The following TANC2 variants were observed in gnomAD, a reference collection of about 807,000 sequenced individuals.
The protein encoded by TANC2 is tetratricopeptide repeat, ankyrin repeat and coiled-coil containing 2.
Under a neutral mutation model 210.5 loss-of-function variants are expected in TANC2, and 26 were observed. The ratio of observed to expected loss-of-function variants is 0.12; its 90% CI spans 0.09 to 0.17. TANC2 has a LOEUF of 0.17. Ranked by LOEUF, TANC2 falls within the 10% of genes least tolerant of loss-of-function variation. TANC2 has a pLI of 1.00. For missense variants in TANC2, 2,129 were observed against 2,608.9 expected (o/e 0.82, Z 4.01); for synonymous variants, 931 against 967.1 (o/e 0.96, Z 0.69).
intron 8 of TANC2, among the ~76,000 whole-genome samples, chr17:63,243,254 TTAA>T (rs1186789535): frequency 6.6e-6 from 1 of 152,176 alleles, no homozygotes. Flanking sequence ...TGGGAGTATG[TTAA>T]TAAGTTGGTA....
At chr17:63,008,566 A>G (rs1166713748) in intron 1 of TANC2, among the ~76,000 whole-genome samples, 2 of 152,160 alleles carry the variant, frequency 1.3e-5, no homozygotes, top group Non-Finnish European at 2.9e-5. Flanking sequence ...CTTTTTGAAC[A>G]AGATAGACTA....
intron 2 of TANC2, among the ~76,000 whole-genome samples, chr17:63,058,744 T>C (rs184708695): frequency 2.0e-5 from 3 of 152,226 alleles, no homozygotes; most frequent in Non-Finnish European, 4.4e-5. Flanking sequence ...ATGTGTGGCC[T>C]TATTTCTGGG....
At chr17:63,355,239 G>A (rs2046746154) in exon 14 of TANC2, 1 of 1,613,598 alleles carries the variant, frequency 6.2e-7, no homozygotes, top group Non-Finnish European at 8.5e-7. Context: ...AGGCACACTA[G>A]AATGGGAGGA....
chr17:63,411,882 G>A (rs1332057911), intron 22 of TANC2, 116 bp from the exon 23 acceptor site: 14 of 1,482,040 alleles, frequency 9.4e-6, no homozygotes, highest in Non-Finnish European at 1.3e-5. Flanking sequence ...ATACATGGCA[G>A]CATAGCCTGG....
intron 1 of TANC2, among the ~76,000 whole-genome samples, chr17:62,977,049 G>A (rs1399352189): frequency 6.6e-6 from 1 of 152,166 alleles, no homozygotes; most frequent in Non-Finnish European, 1.5e-5. Context: ...GCACTCTTGT[G>A]GCAAAACTGT....
At chr17:63,288,464 G>A (rs1301166414) in intron 9 of TANC2, among the ~76,000 whole-genome samples, 2 of 152,158 alleles carry the variant, frequency 1.3e-5, no homozygotes, top group African/African-American at 2.4e-5. Context: ...TAAATACTCC[G>A]TGTGAACTTG....
intron 8 of TANC2, among the ~76,000 whole-genome samples, chr17:63,240,341 A>G (rs2042741187): frequency 1.3e-5 from 2 of 152,198 alleles, no homozygotes; most frequent in African/African-American, 4.8e-5. Flanking sequence ...TGAATGAACA[A>G]TGTTAATTCA....
At chr17:63,045,823 A>G (rs1204422903) in intron 2 of TANC2, among the ~76,000 whole-genome samples, 2 of 152,154 alleles carry the variant, frequency 1.3e-5, no homozygotes, top group African/African-American at 4.8e-5. Context: ...TTTAAAAAGT[A>G]GAGATGGGTG....
rs79398542 is a variant in TANC2 at position 63,381,939 on chromosome 17, C to T, written c.2691+2113C>T. Among the ~76,000 whole-genome samples, 618 of 152,270 alleles carry T rather than the reference C, an allele frequency of 4.1e-3. 8 individuals are homozygous for T. Among genetic ancestry groups the T allele is most frequent in the East Asian group, 6.9e-3 (36 of 5,192 alleles). ...TGAAGAGGCACTTTTTCAAGCTATTCGAACATAAAATTCTCTTTAAGAAAC... is the reference window on the plus strand; with the variant it reads ...TGAAGAGGCACTTTTTCAAGCTATTTGAACATAAAATTCTCTTTAAGAAAC... On this transcript the variant is annotated intron_variant, in intron 15 of 27. Coordinates refer to ENST00000689528, the Ensembl canonical transcript of TANC2.
At chr17:63,266,219 T>G (rs1424941798) in intron 8 of TANC2, among the ~76,000 whole-genome samples, 1 of 152,118 alleles carries the variant, frequency 6.6e-6, no homozygotes, top group African/African-American at 2.4e-5. Flanking sequence ...ATTAATAAAA[T>G]TTTAATAAAT....
chr17:63,260,654 A>G (rs1267019945), intron 8 of TANC2, among the ~76,000 whole-genome samples: 3 of 151,806 alleles, frequency 2.0e-5, no homozygotes, highest in Non-Finnish European at 2.9e-5. Flanking sequence ...GTGCACGCCT[A>G]CTCGGAAGGC....
chr17:63,169,597 T>C (rs2040330356), intron 5 of TANC2, among the ~76,000 whole-genome samples: 1 of 152,076 alleles, frequency 6.6e-6, no homozygotes, highest in African/African-American at 2.4e-5. Context: ...GATTGGATCA[T>C]GAGGTCAGGA....
At chr17:63,174,963 CATT>C (rs2040527015) in intron 5 of TANC2, among the ~76,000 whole-genome samples, 1 of 152,030 alleles carries the variant, frequency 6.6e-6, no homozygotes, top group Non-Finnish European at 1.5e-5. Flanking sequence ...TATAAATAAA[CATT>C]GTTAAGACCA....
At chr17:63,028,469 A>G (rs762315799) in intron 2 of TANC2, among the ~76,000 whole-genome samples, 2 of 152,158 alleles carry the variant, frequency 1.3e-5, no homozygotes, top group Non-Finnish European at 2.9e-5. Flanking sequence ...GTAAAAACAT[A>G]AAAAGACACA....
intron 21 of TANC2, among the ~76,000 whole-genome samples, chr17:63,410,454 C>T (rs2048659202): frequency 6.6e-6 from 1 of 151,354 alleles, no homozygotes; most frequent in Admixed American, 6.6e-5. Context: ...AGTGTCCTCT[C>T]GTGTTTATTT....
intron 12 of TANC2, among the ~76,000 whole-genome samples, chr17:63,350,288 A>T (rs1051575031): frequency 2.6e-5 from 4 of 152,100 alleles, no homozygotes; most frequent in South Asian, 2.1e-4. Flanking sequence ...GTATCTGATG[A>T]CTGCTTGCCC....
At chr17:63,344,256 C>T (rs1360842603) in intron 12 of TANC2, among the ~76,000 whole-genome samples, 4 of 152,208 alleles carry the variant, frequency 2.6e-5, no homozygotes, top group Admixed American at 1.3e-4. Flanking sequence ...ACCATCCTCT[C>T]CACCCTCCAC....
At position 63,219,512 on chromosome 17, in the gene TANC2, A is replaced by G. The variant is rs185234568; in HGVS notation, c.770-18302A>G. Among the ~76,000 whole-genome samples, 617 of 152,220 alleles carry G rather than the reference A, an allele frequency of 4.1e-3. 5 individuals are homozygous for G. The highest frequency in any genetic ancestry group is 0.014 in the African/African-American group (598 of 41,534). ...AAATCCCTCCACCTCCCAGGTTCAAACAGTTCTCCTGTCTCAGCCTCCCGA... is the reference window on the plus strand; with the variant it reads ...AAATCCCTCCACCTCCCAGGTTCAAGCAGTTCTCCTGTCTCAGCCTCCCGA... On this transcript the variant is annotated intron_variant, in intron 7 of 27. Coordinates refer to ENST00000689528, the Ensembl canonical transcript of TANC2.
chr17:63,072,487 CTA>C (rs1337228537), intron 2 of TANC2, among the ~76,000 whole-genome samples: 1 of 151,924 alleles, frequency 6.6e-6, no homozygotes, highest in Non-Finnish European at 1.5e-5. Context: ...GTCAACATGT[CTA>C]TTTTTATTCA....
Sources: allele counts gnomAD v4.1 joint callset (sites outside exome capture counted in the v4.1 genomes callset), GRCh38; gene constraint gnomAD v4.1.1; transcripts MANE v1.5; gene names NCBI Gene and HGNC (gene_info 2026-07-23, HGNC 2026-07-21).